Variants in ENTHD1 observed in about 807,000 individuals in gnomAD.
ENTHD1 encodes ENTH domain-containing protein 1.
A neutral mutation model predicts 39.1 loss-of-function variants in ENTHD1; 23 were observed. That is an observed-to-expected ratio of 0.59 (90% CI 0.42 to 0.83). ENTHD1 has a LOEUF of 0.83. ENTHD1 is among the 40% of genes least tolerant of loss of function. ENTHD1 has a pLI of 0.00. For synonymous variants in ENTHD1, 230 were observed against 258.2 expected (o/e 0.89, Z 1.05); for missense variants, 624 against 705.4 (o/e 0.88, Z 1.31).
chr22:39,811,501 G>A (rs755525780), intron 5 of ENTHD1, among the ~76,000 whole-genome samples: 2 of 152,154 alleles, frequency 1.3e-5, no homozygotes, highest in Non-Finnish European at 2.9e-5. Flanking sequence ...AAGGTCATGC[G>A]TTCTTCTGCC....
chr22:39,891,573 C>CT (rs2066427209), intron 1 of ENTHD1, among the ~76,000 whole-genome samples: 1 of 151,292 alleles, frequency 6.6e-6, no homozygotes, highest in Admixed American at 6.6e-5. Flanking sequence ...TCCCAAGTAG[C>CT]TGGGACTACA....
At chr22:39,845,051 A>C (rs2065975812) in intron 3 of ENTHD1, among the ~76,000 whole-genome samples, 1 of 151,580 alleles carries the variant, frequency 6.6e-6, no homozygotes, top group Non-Finnish European at 1.5e-5. Context: ...GCCTCAGCTG[A>C]GATCTGCTAC....
intron 5 of ENTHD1, among the ~76,000 whole-genome samples, chr22:39,790,932 G>A (rs989659542): frequency 9.2e-5 from 14 of 151,984 alleles, no homozygotes; most frequent in African/African-American, 3.4e-4. Flanking sequence ...CCACCACACT[G>A]TCCCTTTATA....
chr22:39,813,588 A>T (rs1017296309), intron 5 of ENTHD1, among the ~76,000 whole-genome samples: 3 of 152,246 alleles, frequency 2.0e-5, no homozygotes, highest in East Asian at 1.9e-4. Context: ...TAAGGAACGG[A>T]GAGCTGCAAA....
chr22:39,747,776 A>G (rs578175914), intron 6 of ENTHD1, among the ~76,000 whole-genome samples: 2 of 152,178 alleles, frequency 1.3e-5, no homozygotes, highest in Admixed American at 1.3e-4. Flanking sequence ...CTTACAGAAA[A>G]CAGATTTTAG....
At chr22:39,759,906 A>C (rs1413496319) in intron 6 of ENTHD1, among the ~76,000 whole-genome samples, 2 of 151,976 alleles carry the variant, frequency 1.3e-5, no homozygotes, top group African/African-American at 4.8e-5. Context: ...CCAATTTCTA[A>C]TTTAATTCTG....
At chr22:39,763,228 A>G (rs1457455868) in intron 6 of ENTHD1, among the ~76,000 whole-genome samples, 2 of 152,172 alleles carry the variant, frequency 1.3e-5, no homozygotes, top group African/African-American at 2.4e-5. Flanking sequence ...CTGAACTCCA[A>G]CATTTGTTTC....
intron 5 of ENTHD1, among the ~76,000 whole-genome samples, chr22:39,816,631 C>G (rs1242028292): frequency 6.6e-6 from 1 of 152,072 alleles, no homozygotes; most frequent in East Asian, 1.9e-4. Context: ...GCCCATTGCC[C>G]TTATCTAAAA....
At chr22:39,835,407 A>C (rs1348633459) in intron 4 of ENTHD1, among the ~76,000 whole-genome samples, 1 of 152,166 alleles carries the variant, frequency 6.6e-6, no homozygotes, top group Non-Finnish European at 1.5e-5. Context: ...ATCTTCTACT[A>C]TACAGAAAAA....
intron 6 of ENTHD1, chr22:39,750,499 G>A (rs1175607925): frequency 1.0e-4 from 16 of 153,438 alleles, no homozygotes; most frequent in Non-Finnish European, 2.3e-4. Flanking sequence ...AAATGAAGCT[G>A]CAATTAAAAA....
chr22:39,882,453 A>G (rs910370210), intron 2 of ENTHD1, among the ~76,000 whole-genome samples: 3 of 152,188 alleles, frequency 2.0e-5, no homozygotes, highest in African/African-American at 7.2e-5. Flanking sequence ...GTCTAAGCAT[A>G]CAATATATTA....
chr22:39,756,505 G>A (rs1341180982), intron 6 of ENTHD1, among the ~76,000 whole-genome samples: 1 of 151,938 alleles, frequency 6.6e-6, no homozygotes, highest in African/African-American at 2.4e-5. Flanking sequence ...GCTAATTTTT[G>A]TATTTTTAGT....
intron 3 of ENTHD1, among the ~76,000 whole-genome samples, chr22:39,849,952 C>A (rs953209944): frequency 5.9e-5 from 9 of 152,098 alleles, no homozygotes; most frequent in Non-Finnish European, 1.2e-4. Flanking sequence ...TTTTCTTCCA[C>A]CTTATTCTAA....
intron 2 of ENTHD1, among the ~76,000 whole-genome samples, chr22:39,879,247 G>A (rs952574956): frequency 1.3e-5 from 2 of 151,718 alleles, no homozygotes; most frequent in Non-Finnish European, 2.9e-5. Context: ...CGGATCACGA[G>A]GTCAGGAGAT....
rs140041075 is a variant in ENTHD1 at position 39,861,882 on chromosome 22, T to C, written c.475A>G (p.Lys159Glu). 341 of 1,606,094 alleles carry C rather than the reference T, an allele frequency of 2.1e-4. 1 individual carries two copies. The African/African-American group carries it at 3.4e-3, about 16-fold the overall frequency. The change falls in exon 3 of 7, where the codon AAA becomes GAA. Residue 159 changes from lysine to glutamate, a missense_variant. Lys to Glu is a moderately conservative substitution (Grantham distance 56, BLOSUM62 1). Coordinates refer to ENST00000325157, the MANE Select transcript of ENTHD1 (RefSeq NM_152512.4). Reference sequence around the variant, plus strand: ...GAGTTACTTGAACCAAGTTGTCTTTTAGAAAACAATATAGAGTGGGAGGTA... The same window carrying C: ...GAGTTACTTGAACCAAGTTGTCTTTCAGAAAACAATATAGAGTGGGAGGTA... Reference protein sequence around the residue: ...QRTSHSILFSKRQLGSSNSLT... With the variant: ...QRTSHSILFSERQLGSSNSLT...
chr22:39,785,341 T>G (rs150844414), intron 5 of ENTHD1, among the ~76,000 whole-genome samples: 87 of 152,334 alleles, frequency 5.7e-4, no homozygotes, highest in African/African-American at 2.0e-3. Flanking sequence ...CCATCTCACC[T>G]CTGTGATTTC....
At chr22:39,792,434 T>C (rs528269568) in intron 5 of ENTHD1, among the ~76,000 whole-genome samples, 111 of 152,362 alleles carry the variant, frequency 7.3e-4, no homozygotes, top group Non-Finnish European at 1.3e-3. Context: ...ATTTTAGTTC[T>C]TTTTCTAATA....
chr22:39,848,879 C>T (rs112618539), intron 3 of ENTHD1, among the ~76,000 whole-genome samples: 2,110 of 152,232 alleles, frequency 0.014, 15 homozygotes, highest in Non-Finnish European at 0.021. Flanking sequence ...ACCTTTAAAT[C>T]CTTAATTCAT....
intron 5 of ENTHD1, among the ~76,000 whole-genome samples, chr22:39,784,238 G>A (rs1248013402): frequency 6.6e-6 from 1 of 152,036 alleles, no homozygotes. Flanking sequence ...TCCAAAGACG[G>A]GCAGTAATGA....
Sources: gnomAD v4.1 joint callset for allele counts (sites outside exome capture counted in the v4.1 genomes callset) on GRCh38, gnomAD v4.1.1 for gene constraint, MANE v1.5 for transcripts, NCBI Gene and HGNC (gene_info 2026-07-23, HGNC 2026-07-21) for gene names.